The following CSMD1 variants were observed in gnomAD, a reference collection of about 807,000 sequenced individuals.
The protein encoded by CSMD1 is CUB and sushi domain-containing protein 1.
In CSMD1, 213 loss-of-function variants were observed where a neutral mutation model predicts 417.5. The observed-to-expected ratio is 0.51, with a 90% CI of 0.46 to 0.57. The LOEUF (loss-of-function observed/expected upper bound fraction) is 0.57. CSMD1 is among the 20% of genes least tolerant of loss of function. The probability of loss-of-function intolerance (pLI) is 0.00; values close to 1 mark genes in which losing one functional copy is unlikely to be tolerated. For missense variants in CSMD1, 6,923 were observed against 4,529.7 expected, an observed-to-expected ratio of 1.53 and a Z score of -15.17; for synonymous variants, 2,862 against 1,736.8, an observed-to-expected ratio of 1.65 and a Z score of -16.11.
intron 3 of CSMD1, among the ~76,000 whole-genome samples, chr8:4,178,125 C>A (rs535765973): frequency 1.8e-4 from 28 of 152,046 alleles, no homozygotes; most frequent in Admixed American, 1.7e-3. Flanking sequence ...GAGACACAAC[C>A]AAAAAAGAGA....
rs186573792 is a variant in CSMD1 at position 4,742,822 on chromosome 8, G to C, written c.86-105264C>G. On this transcript the variant is annotated intron_variant, in intron 1 of 69. Coordinates refer to ENST00000635120, the MANE Select transcript of CSMD1 (RefSeq NM_033225.6). The stretch of plus-strand genomic sequence containing the variant: ...ATAAATCGCAGAAAATTTTTCTGTA[G>C]AGCATTTTTATATATCAAATTGCAG... 2.6e-5 allele frequency among the ~76,000 whole-genome samples: 4 copies of C among 152,188 alleles called. No homozygotes were observed. In the East Asian group the frequency reaches 5.8e-4, roughly 22 times the overall value.
chr8:4,713,325 G>A (rs1358617368), intron 1 of CSMD1, among the ~76,000 whole-genome samples: 1 of 152,176 alleles, frequency 6.6e-6, no homozygotes, highest in African/African-American at 2.4e-5. Flanking sequence ...CCCATCCGGT[G>A]GTGTGGTGTC....
chr8:4,160,328 A>G (rs1797078366), intron 3 of CSMD1, among the ~76,000 whole-genome samples: 2 of 152,190 alleles, frequency 1.3e-5, no homozygotes, highest in African/African-American at 4.8e-5. Context: ...AAAATAAAAT[A>G]ATGATTGAAA....
chr8:3,929,599 C>G (rs1449066670), intron 5 of CSMD1, among the ~76,000 whole-genome samples: 2 of 150,416 alleles, frequency 1.3e-5, no homozygotes, highest in African/African-American at 4.9e-5. Context: ...ATAAATGTGG[C>G]TGCATTATTT....
chr8:3,694,855 G>A (rs185700875), intron 7 of CSMD1, among the ~76,000 whole-genome samples: 2 of 152,014 alleles, frequency 1.3e-5, no homozygotes, highest in African/African-American at 2.4e-5. Context: ...AGCAATACCG[G>A]ATCCTAAAGA....
chr8:3,448,937 G>A (rs1347225887), intron 12 of CSMD1, among the ~76,000 whole-genome samples: 1 of 152,162 alleles, frequency 6.6e-6, no homozygotes, highest in African/African-American at 2.4e-5. Flanking sequence ...TCCCCCAAGA[G>A]TAAATGTAGG....
chr8:4,131,200 T>C (rs954367393), intron 3 of CSMD1, among the ~76,000 whole-genome samples: 2 of 152,194 alleles, frequency 1.3e-5, no homozygotes, highest in Admixed American at 6.5e-5. Context: ...CATAGTTAAA[T>C]AGAGACGCCA....
intron 53 of CSMD1, among the ~76,000 whole-genome samples, chr8:2,998,943 T>A (rs1264905135): frequency 1.3e-5 from 2 of 152,200 alleles, no homozygotes; most frequent in South Asian, 2.1e-4. Context: ...TTACAGATAA[T>A]CTTTGTCACT....
At chr8:4,845,346 G>T (rs941037672) in intron 1 of CSMD1, among the ~76,000 whole-genome samples, 14 of 152,110 alleles carry the variant, frequency 9.2e-5, no homozygotes, top group Admixed American at 3.3e-4. Context: ...CTAGCCAGGG[G>T]ATACATATCC....
At chr8:4,383,598 G>T (rs1212880122) in intron 3 of CSMD1, among the ~76,000 whole-genome samples, 1 of 152,110 alleles carries the variant, frequency 6.6e-6, no homozygotes, top group South Asian at 2.1e-4. Flanking sequence ...ACATGGAAGT[G>T]TTTAATAAAG....
intron 29 of CSMD1, among the ~76,000 whole-genome samples, chr8:3,218,867 T>C (rs576242034): frequency 6.6e-5 from 10 of 152,004 alleles, no homozygotes; most frequent in Non-Finnish European, 1.2e-4. Flanking sequence ...AGCAAAACTC[T>C]GTCTCAAGAA....
chr8:4,394,414 T>C (rs1269879381), intron 3 of CSMD1, among the ~76,000 whole-genome samples: 1 of 152,212 alleles, frequency 6.6e-6, no homozygotes, highest in Non-Finnish European at 1.5e-5. Context: ...ACAATCAATA[T>C]TTCGTCCTAT....
At chr8:4,462,868 G>C (rs1396241215) in intron 2 of CSMD1, among the ~76,000 whole-genome samples, 1 of 152,074 alleles carries the variant, frequency 6.6e-6, no homozygotes, top group Non-Finnish European at 1.5e-5. Flanking sequence ...ACTCTTTGAA[G>C]AAAATATAGG....
intron 3 of CSMD1, among the ~76,000 whole-genome samples, chr8:4,274,469 T>G (rs916453342): frequency 1.3e-5 from 2 of 152,174 alleles, no homozygotes; most frequent in East Asian, 3.8e-4. Context: ...ACAGTCGTAA[T>G]GGCATTAATT....
intron 3 of CSMD1, among the ~76,000 whole-genome samples, chr8:4,413,340 A>G (rs933161126): frequency 2.0e-5 from 3 of 152,056 alleles, no homozygotes; most frequent in Non-Finnish European, 4.4e-5. Flanking sequence ...GCCCAAACCA[A>G]TTCTATCATT....
At chr8:3,985,311 A>C (rs1305532570) in intron 5 of CSMD1, among the ~76,000 whole-genome samples, 1 of 152,164 alleles carries the variant, frequency 6.6e-6, no homozygotes, top group African/African-American at 2.4e-5. Flanking sequence ...ATTATTTTTA[A>C]AGCAGGCATA....
At chr8:4,315,562 G>C (rs114890193) in intron 3 of CSMD1, among the ~76,000 whole-genome samples, 131 of 152,306 alleles carry the variant, frequency 8.6e-4, no homozygotes, top group African/African-American at 3.0e-3. Context: ...CAGTGCTTAA[G>C]GAGAACCAAT....
intron 1 of CSMD1, among the ~76,000 whole-genome samples, chr8:4,810,550 C>A (rs895446898): frequency 6.6e-6 from 1 of 151,968 alleles, no homozygotes; most frequent in Non-Finnish European, 1.5e-5. Flanking sequence ...TGCGCACGCG[C>A]GTATGTGTGT....
chr8:3,553,088 C>A, intron 10 of CSMD1, among the ~76,000 whole-genome samples: 1 of 148,956 alleles, frequency 6.7e-6, no homozygotes, highest in Non-Finnish European at 1.5e-5. Flanking sequence ...TAAAACCAAT[C>A]AACCAACCAG....
Sources: gnomAD v4.1 joint callset for allele counts (sites outside exome capture counted in the v4.1 genomes callset) on GRCh38, gnomAD v4.1.1 for gene constraint, MANE v1.5 for transcripts, NCBI Gene and HGNC (gene_info 2026-07-23, HGNC 2026-07-21) for gene names.